The following ITPRID2 variants were observed in gnomAD, a reference collection of about 807,000 sequenced individuals.
ITPRID2 encodes the protein protein ITPRID2.
Under a neutral mutation model 124.3 loss-of-function variants are expected in ITPRID2, and 60 were observed. The observed-to-expected ratio is 0.48, with a 90% CI of 0.39 to 0.60. The LOEUF (loss-of-function observed/expected upper bound fraction) is 0.60. Among genes scored for constraint, ITPRID2 ranks in the 20% least tolerant of loss-of-function variants. The pLI is 0.00. For missense variants in ITPRID2, 1,553 were observed against 1,512.2 expected (o/e 1.03, Z -0.45); for synonymous variants, 521 against 542.9 (o/e 0.96, Z 0.56).
In ITPRID2 at chr2:181,919,308, T is replaced by C; in HGVS notation, c.3006T>C (p.Asp1002=). 1.2e-6 allele frequency: 2 copies of C among 1,614,084 alleles called. No homozygotes were observed. The highest frequency in any genetic ancestry group is 4.5e-5 in the East Asian group (2 of 44,888). The part of the protein sequence containing the change: ...HMTEEERFEV[D]QLQGLRNSVR... ...ACCATACCAATAGGTTTGAAGTTGA[T>C]CAGCTCCAGGGTTTGAGAAATTCAG... is the stretch of plus-strand genomic sequence containing the variant. The change falls in exon 14 of 18, where the codon GAT becomes GAC. Residue 1002 remains aspartate (D), a synonymous_variant. Transcript: ENST00000431877. The surrounding 1 kb of genome is among the most constrained non-coding windows in gnomAD (Gnocchi z 4.2).
intron 16 of ITPRID2, among the ~76,000 whole-genome samples, chr2:181,923,061 C>T (rs757761785): frequency 1.3e-5 from 2 of 152,010 alleles, no homozygotes; most frequent in African/African-American, 4.8e-5. Flanking sequence ...AGGGTTTGCC[C>T]TAGGTGATAG....
chr2:181,900,867 A>G lies in ITPRID2; in HGVS notation c.675A>G (p.Gln225=). ...AAGTATTTTTGAGTGCTCAGATGCA[A>G]CGGATGGAAGTAGAAAACCCAAATT... ...DIKVFLSAQM[Q]RMEVENPNYA... The change falls in exon 7 of 18, where the codon CAA becomes CAG. Residue 225 remains glutamine (Q), a synonymous_variant. Coordinates refer to ENST00000431877, the MANE Select transcript of ITPRID2 (RefSeq NM_001130445.3). 1 of 1,612,066 alleles carries G rather than the reference A, an allele frequency of 6.2e-7. No individual in the cohort carries two copies. The highest frequency in any genetic ancestry group is 8.5e-7 in the Non-Finnish European group (1 of 1,179,270).
chr2:181,922,228 G>A lies in ITPRID2; in HGVS notation c.3491G>A (p.Gly1164Asp). 7 of 1,614,246 alleles carry A rather than the reference G, an allele frequency of 4.3e-6. No homozygotes were observed. Among genetic ancestry groups the A allele is most frequent in the South Asian group, 1.1e-5 (1 of 91,088 alleles). Residue 1164 changes from glycine (G) to aspartate (D), a missense_variant, in exon 16 of 18, where the codon GGC becomes GAC. Physicochemically the swap from Gly to Asp is moderately conservative, Grantham distance 94. Coordinates refer to ENST00000431877, the MANE Select transcript of ITPRID2 (RefSeq NM_001130445.3). ...ACGCCAACAGCTCCTTCTAGAACAG[G>A]CTCTGTGCAGACACCTCCAGATTTG... ...ALTPTAPSRT[G>D]SVQTPPDLES...
rs967907272 is a variant in ITPRID2 at position 181,905,085 on chromosome 2, G to A, written c.1413+2619G>A. Reference sequence around the variant, plus strand: ...TTTTTTTTTTTTGAGACGGAGTCGCGCATTGTCACCCGGGAGTGCAGTGGT... The same window carrying A: ...TTTTTTTTTTTTGAGACGGAGTCGCACATTGTCACCCGGGAGTGCAGTGGT... On this transcript the variant is annotated intron_variant, in intron 8 of 17. Coordinates refer to ENST00000431877, the MANE Select transcript of ITPRID2 (RefSeq NM_001130445.3). This position sits in a 1 kb window ranked among gnomAD's most constrained non-coding sequence, Gnocchi z 4.1. Among the ~76,000 whole-genome samples the A allele has an allele frequency of 1.4e-5, 2 of 147,558 alleles. No individual in the cohort carries two copies. The highest frequency in any genetic ancestry group is 3.0e-5 in the Non-Finnish European group (2 of 67,346).
chr2:181,919,409 T>C lies in ITPRID2; in HGVS notation c.3107T>C (p.Val1036Ala), dbSNP rs138090855. ...GGCCTGGAGGAGCAGCTTCGTGCTG[T>C]GCGCATGCCTTCACCCTTCCGCTCC... ...LLGLEEQLRA[V>A]RMPSPFRSSA... Residue 1036 changes from valine (V) to alanine (A), a missense_variant, in exon 14 of 18, where the codon GTG becomes GCG. Coordinates refer to ENST00000431877, the MANE Select transcript of ITPRID2 (RefSeq NM_001130445.3). The surrounding 1 kb of genome is among the most constrained non-coding windows in gnomAD (Gnocchi z 4.2). 1.4e-5 allele frequency: 23 copies of C among 1,612,122 alleles called. No homozygotes were observed. The highest frequency in any genetic ancestry group is 4.5e-5 in the East Asian group (2 of 44,852).
chr2:181,891,902 C>A lies in ITPRID2; in HGVS notation c.-165C>A. ...CCGCCCCTTCCCTCCCCTTCCTTCC[C>A]TCCCTCCCTCCCTGTCCCCTCCTCC... On this transcript the variant is annotated 5_prime_UTR_variant, in exon 1 of 18. Transcript: ENST00000431877. 2.5e-6 allele frequency: 1 copy of A among 398,788 alleles called. No individual in the cohort carries two copies. The highest frequency in any genetic ancestry group is 4.6e-6 in the Non-Finnish European group (1 of 217,116). 24.7% of individuals were successfully genotyped at this position (398,788 alleles called of 1,614,324 possible). A position where few individuals can be genotyped will look rare whatever the true frequency, so the allele number is the denominator to read the frequency against.
rs1219056667 is a variant in ITPRID2, at chr2:181,892,113, A to G, written c.47A>G (p.Glu16Gly). 5 of 1,558,488 alleles carry G rather than the reference A, an allele frequency of 3.2e-6. No individual in the cohort carries two copies. The change falls in exon 1 of 18, where the codon GAG (glutamate) becomes GGG (glycine). Residue 16 changes from glutamate (E) to glycine (G), a missense_variant. Glu to Gly is a moderately conservative substitution (Grantham distance 98, BLOSUM62 -2). Transcript: ENST00000431877. The surrounding 1 kb of genome is among the most constrained non-coding windows in gnomAD (Gnocchi z 5.2). ...TCGGCGGAGGCGGAGGAGGAACTGG[A>G]GTGGCAAGTGGCGAGTCGCAGGAGG... ...SSSAEAEEEL[E>G]WQVASRRRKA...
At position 181,901,957 on chromosome 2, in the gene ITPRID2, C is replaced by G. The variant is rs770886235; in HGVS notation, c.904C>G (p.Leu302Val). Residue 302 changes from leucine (L) to valine (V), a missense_variant, in exon 8 of 18, where the codon CTG becomes GTG. Physicochemically the swap from Leu to Val is conservative, Grantham distance 32. Coordinates refer to ENST00000431877, the MANE Select transcript of ITPRID2 (RefSeq NM_001130445.3). ...TCGTTTAATGAAAACACTCTCAAAA[C>G]TGAATTTATGTGTTGATAAAACAGA... ...ANRLMKTLSK[L>V]NLCVDKTEKG... is the part of the protein sequence containing the mutation. The G allele has an allele frequency of 2.5e-6, 4 of 1,613,792 alleles. No homozygotes were observed. The East Asian group carries it at 6.7e-5, about 27-fold the overall frequency.
rs548809178 is a variant in ITPRID2 at position 181,917,017 on chromosome 2, A to G, written c.2787+590A>G. ...AAATAACAAATCAGGTAAAGTGTGA[A>G]TTTGATTTAAAATGCTCTGTATGTC... is the stretch of plus-strand genomic sequence containing the variant. On this transcript the variant is annotated intron_variant, in intron 11 of 17. Transcript: ENST00000431877. 5 of 984,940 alleles carry G rather than the reference A, an allele frequency of 5.1e-6. No individual in the cohort carries two copies. The South Asian group carries it at 2.3e-4, about 46-fold the overall frequency. 61.0% of individuals were successfully genotyped at this position (984,940 alleles called of 1,614,324 possible).
chr2:181,930,182 C>A lies in ITPRID2; in HGVS notation c.*635C>A, dbSNP rs539271731. The A allele has an allele frequency of 6.6e-6, 1 of 152,642 alleles. No individual in the cohort carries two copies. The highest frequency in any genetic ancestry group is 2.4e-5 in the African/African-American group (1 of 41,540). 9.5% of individuals were successfully genotyped at this position (152,642 alleles called of 1,614,324 possible). A position where few individuals can be genotyped will look rare whatever the true frequency, so the allele number is the denominator to read the frequency against. ...CAAGACAAATGTAATTTTATCATTG[C>A]TTATGTAGTATTTTTCTTTTGGAAA... On this transcript the variant is annotated 3_prime_UTR_variant, in exon 18 of 18. Coordinates refer to ENST00000431877, the MANE Select transcript of ITPRID2 (RefSeq NM_001130445.3).
intron 9 of ITPRID2, among the ~76,000 whole-genome samples, chr2:181,911,944 A>G (rs2125089818): frequency 6.6e-6 from 1 of 152,312 alleles, no homozygotes; most frequent in South Asian, 2.1e-4. Flanking sequence ...TACCTGCATT[A>G]TGACCCAAAC....
intron 11 of ITPRID2, 102 bp downstream of exon 11, chr2:181,916,529 G>C: frequency 7.2e-7 from 1 of 1,379,914 alleles, no homozygotes; most frequent in Non-Finnish European, 9.7e-7. Context: ...AACTACCTCA[G>C]CTTTATTTTC....
intron 14 of ITPRID2, among the ~76,000 whole-genome samples, chr2:181,920,395 C>A (rs1445204312): frequency 6.6e-6 from 1 of 152,054 alleles, no homozygotes; most frequent in Non-Finnish European, 1.5e-5. Flanking sequence ...TTTTAACTCA[C>A]AATAATGCAT....
intron 11 of ITPRID2, chr2:181,918,146 A>G (rs1328639933): frequency 8.7e-6 from 2 of 229,038 alleles, no homozygotes; most frequent in African/African-American, 4.7e-5. Context: ...AAGGCTGGGA[A>G]TACCTTTTAT....
intron 16 of ITPRID2, among the ~76,000 whole-genome samples, chr2:181,923,105 G>C (rs1207945642): frequency 6.6e-6 from 1 of 152,124 alleles, no homozygotes; most frequent in African/African-American, 2.4e-5. Context: ...CCATAGTTAT[G>C]GATGACCAAA....
At chr2:181,923,137 A>G (rs1694607239) in intron 16 of ITPRID2, among the ~76,000 whole-genome samples, 1 of 152,226 alleles carries the variant, frequency 6.6e-6, no homozygotes, top group African/African-American at 2.4e-5. Flanking sequence ...AGGAAATTAC[A>G]TATGATTAGT....
At position 181,916,284 on chromosome 2, in the gene ITPRID2, G is replaced by A. The variant is rs765566356; in HGVS notation, c.2644G>A (p.Ala882Thr). Residue 882 changes from alanine to threonine, a missense_variant, in exon 11 of 18, where the codon GCT becomes ACT. Coordinates refer to ENST00000431877, the MANE Select transcript of ITPRID2 (RefSeq NM_001130445.3). ...ATCAGGGGCTACTTGTAGTGCCTTC[G>A]CTTCCCCTTTCGGGTGTCCTTACTC... ...NISGATCSAF[A>T]SPFGCPYSHR... is the part of the protein sequence containing the mutation. 3.7e-6 allele frequency: 6 copies of A among 1,614,022 alleles called. No individual in the cohort carries two copies. Among genetic ancestry groups the A allele is most frequent in the Non-Finnish European group, 5.1e-6 (6 of 1,180,040 alleles).
In ITPRID2 at chr2:181,915,337, A is replaced by G. The variant is rs777102980; in HGVS notation, c.1697A>G (p.Glu566Gly). The change falls in exon 11 of 18, where the codon GAA (glutamate) becomes GGA (glycine). Residue 566 changes from glutamate (E) to glycine (G), a missense_variant. Transcript: ENST00000431877. ...PTAQDQPYFN[E>G]SEEESLVPLQ... ...GCACAAGACCAGCCTTATTTTAATG[A>G]ATCAGAGGAGGAGTCTCTTGTCCCT... The G allele has an allele frequency of 1.4e-5, 23 of 1,614,186 alleles. No individual in the cohort carries two copies. Among genetic ancestry groups the G allele is most frequent in the Non-Finnish European group, 1.9e-5 (22 of 1,180,042 alleles).
chr2:181,917,045 G>A, intron 11 of ITPRID2: 3 of 977,734 alleles, frequency 3.1e-6, no homozygotes, highest in Non-Finnish European at 3.6e-6. Flanking sequence ...TGTATGTCTT[G>A]TCACTTTTAA....
Sources: allele counts gnomAD v4.1 joint callset (sites outside exome capture counted in the v4.1 genomes callset), GRCh38; gene constraint gnomAD v4.1.1; non-coding constraint Gnocchi (gnomAD v3.1); transcripts MANE v1.5; gene names NCBI Gene and HGNC (gene_info 2026-07-23, HGNC 2026-07-21).